The following CD1B variants were observed in gnomAD, a reference collection of about 807,000 sequenced individuals.
CD1B encodes T-cell surface glycoprotein CD1b.
Under a neutral mutation model 39.8 loss-of-function variants are expected in CD1B, and 43 were observed. The ratio of observed to expected loss-of-function variants is 1.08; its 90% CI spans 0.85 to 1.39. The LOEUF (loss-of-function observed/expected upper bound fraction) is 1.39, where lower values mean the gene tolerates loss of function less well. Among genes scored for constraint, CD1B ranks in the 40% most tolerant of loss-of-function variants. CD1B has a pLI of 0.00. For synonymous variants in CD1B, 192 were observed against 152.5 expected, an observed-to-expected ratio of 1.26 and a Z score of -1.91; for missense variants, 495 against 403.8, an observed-to-expected ratio of 1.23 and a Z score of -1.94.
At chr1:158,292,430 C>A in the CD1B span, 2 of 1,533,948 alleles carry the variant, frequency 1.3e-6, no homozygotes, top group South Asian at 1.2e-5. Flanking sequence ...CTGTTCCCAC[C>A]CTTCAAACTC....
At chr1:158,320,768 C>T in the CD1B span, among the ~76,000 whole-genome samples, 1 of 152,000 alleles carries the variant, frequency 6.6e-6, no homozygotes, top group Non-Finnish European at 1.5e-5. Flanking sequence ...TTTCACTGAA[C>T]CACTGGTTGT....
the CD1B span, among the ~76,000 whole-genome samples, chr1:158,285,742 A>G: frequency 5.9e-5 from 9 of 152,204 alleles, no homozygotes; most frequent in Admixed American, 1.3e-4. Flanking sequence ...AGGAGTTTTC[A>G]TAGCTCTCAG....
At chr1:158,287,031 C>T in the CD1B span, among the ~76,000 whole-genome samples, 8 of 152,260 alleles carry the variant, frequency 5.3e-5, no homozygotes, top group East Asian at 1.5e-3. Context: ...GGAACAGCTG[C>T]TCAGGTGGGG....
chr1:158,285,543 T>C, the CD1B span, among the ~76,000 whole-genome samples: 1 of 151,804 alleles, frequency 6.6e-6, no homozygotes, highest in South Asian at 2.1e-4. Flanking sequence ...CAATATGAGA[T>C]CATAGAAAAG....
the CD1B span, among the ~76,000 whole-genome samples, chr1:158,319,415 C>A: frequency 6.6e-6 from 1 of 152,106 alleles, no homozygotes; most frequent in Admixed American, 6.5e-5. Context: ...TCATTCATTT[C>A]ATCTTCCATC....
the CD1B span, among the ~76,000 whole-genome samples, chr1:158,304,567 G>A: frequency 6.6e-6 from 1 of 152,188 alleles, no homozygotes; most frequent in Non-Finnish European, 1.5e-5. Context: ...AAATGTTCCT[G>A]TCTGACAGCT....
the CD1B span, among the ~76,000 whole-genome samples, chr1:158,297,192 G>A: frequency 6.6e-6 from 1 of 152,010 alleles, no homozygotes; most frequent in Non-Finnish European, 1.5e-5. Context: ...AATACTAAAG[G>A]CAACCAGAGA....
the CD1B span, among the ~76,000 whole-genome samples, chr1:158,311,855 G>T: frequency 1.3e-5 from 2 of 152,104 alleles, no homozygotes; most frequent in Admixed American, 6.6e-5. Flanking sequence ...GCTGATCTAT[G>T]TATCTGTTTT....
chr1:158,291,486 C>T, the CD1B span: 2 of 1,329,672 alleles, frequency 1.5e-6, no homozygotes, highest in Non-Finnish European at 2.1e-6. Context: ...GGCCATTTCC[C>T]ATTATCCCAT....
Position 158,328,306 on chromosome 1 carries a change from C to T in CD1B, c.981-49G>A, listed in dbSNP as rs550169731. 20 of 1,437,338 alleles carry T rather than the reference C, an allele frequency of 1.4e-5. No homozygotes were observed. In the East Asian group the frequency reaches 4.6e-4, roughly 33 times the overall value. 89.0% of individuals were successfully genotyped at this position (1,437,338 alleles called of 1,614,324 possible). Reference sequence around the variant, plus strand: ...GAGCTCCACATAAAAGATGTTTGTACACCCATGCTCATAGTAATATTATTC... The same window carrying T: ...GAGCTCCACATAAAAGATGTTTGTATACCCATGCTCATAGTAATATTATTC... On this transcript the variant is annotated intron_variant, in intron 5 of 5. Coordinates refer to ENST00000368168, the MANE Select transcript of CD1B (RefSeq NM_001764.3).
chr1:158,330,210 T>G, intron 2 of CD1B, 80 bp from the exon 3 acceptor site: 2 of 1,314,828 alleles, frequency 1.5e-6, no homozygotes, highest in East Asian at 4.6e-5. Context: ...GGATTTTAGA[T>G]TTTGGTGGGG....
chr1:158,330,224 A>C (rs900905742), intron 2 of CD1B, 94 bp from the exon 3 acceptor site: 22 of 1,165,914 alleles, frequency 1.9e-5, no homozygotes, highest in Middle Eastern at 2.6e-4. Flanking sequence ...GGTGGGGATA[A>C]AGTTATTTGG....
chr1:158,306,696 C>A, the CD1B span, among the ~76,000 whole-genome samples: 4 of 152,264 alleles, frequency 2.6e-5, no homozygotes, highest in African/African-American at 9.6e-5. Flanking sequence ...GTCTCCTTAG[C>A]AAATGTAAAA....
chr1:158,301,226 G>C, the CD1B span, among the ~76,000 whole-genome samples: 1 of 151,696 alleles, frequency 6.6e-6, no homozygotes. Context: ...CACACTGATG[G>C]GTCTTGACTC....
chr1:158,323,013 T>C (rs929754254), downstream of CD1B, among the ~76,000 whole-genome samples: 37 of 152,218 alleles, frequency 2.4e-4, no homozygotes, highest in African/African-American at 7.7e-4. Flanking sequence ...GACCTTCCTT[T>C]ACTTGAGCAT....
the CD1B span, among the ~76,000 whole-genome samples, chr1:158,310,767 A>T: frequency 6.6e-6 from 1 of 152,194 alleles, no homozygotes; most frequent in Non-Finnish European, 1.5e-5. Flanking sequence ...ATGAGATACC[A>T]TCTCACACCA....
the CD1B span, among the ~76,000 whole-genome samples, chr1:158,314,333 C>A: frequency 2.6e-5 from 4 of 152,196 alleles, no homozygotes; most frequent in Non-Finnish European, 4.4e-5. Flanking sequence ...CCACCCTCCT[C>A]GGCCTCCCAA....
At chr1:158,297,248 A>G in the CD1B span, among the ~76,000 whole-genome samples, 1 of 152,214 alleles carries the variant, frequency 6.6e-6, no homozygotes, top group South Asian at 2.1e-4. Flanking sequence ...AGCTAACAGC[A>G]TACCTTTCAG....
the CD1B span, among the ~76,000 whole-genome samples, chr1:158,293,899 A>T: frequency 2.6e-5 from 4 of 152,276 alleles, no homozygotes; most frequent in African/African-American, 9.6e-5. Context: ...CATCATATCT[A>T]AGTTGGATTA....
Sources: gnomAD v4.1 joint callset for allele counts (sites outside exome capture counted in the v4.1 genomes callset) on GRCh38, gnomAD v4.1.1 for gene constraint, MANE v1.5 for transcripts, NCBI Gene and HGNC (gene_info 2026-07-23, HGNC 2026-07-21) for gene names.